DNAH5: variants seen among roughly 807,000 people sequenced by gnomAD.
DNAH5 encodes the protein axonemal beta dynein heavy chain 5.
In DNAH5, 372 loss-of-function variants were observed where a neutral mutation model predicts 518.2. The ratio of observed to expected loss-of-function variants is 0.72; its 90% CI spans 0.66 to 0.78. The LOEUF (loss-of-function observed/expected upper bound fraction) is 0.78. DNAH5 is among the 30% of genes least tolerant of loss of function. The pLI is 0.00. For synonymous variants in DNAH5, 2,039 were observed against 2,025.9 expected, an observed-to-expected ratio of 1.01 and a Z score of -0.17; for missense variants, 5,523 against 5,687.0, an observed-to-expected ratio of 0.97 and a Z score of 0.93.
At position 14,009,751 on chromosome 5, in the gene DNAH5, T is replaced by C. The variant is rs535554222; in HGVS notation, c.12+1897A>G. Reference sequence around the variant, plus strand: ...CACCATACTTCCAGCTTAAGTAAAATGGGGATTGCTTACTCAGCTGGGGAG... The same window carrying C: ...CACCATACTTCCAGCTTAAGTAAAACGGGGATTGCTTACTCAGCTGGGGAG... On this transcript the variant is annotated intron_variant, in intron 1 of 78. Transcript: ENST00000681290. 3.9e-5 allele frequency among the ~76,000 whole-genome samples: 6 copies of C among 152,250 alleles called. No individual in the cohort carries two copies. In the South Asian group the frequency reaches 1.0e-3, roughly 26 times the overall value.
At chr5:13,959,138 G>A (rs1007115084) in intron 1 of DNAH5, among the ~76,000 whole-genome samples, 1 of 152,142 alleles carries the variant, frequency 6.6e-6, no homozygotes, top group Non-Finnish European at 1.5e-5. Flanking sequence ...TTAGAGACGG[G>A]GTTTCACCAT....
chr5:13,722,444 G>A (rs1745180225), intron 70 of DNAH5, among the ~76,000 whole-genome samples: 1 of 152,318 alleles, frequency 6.6e-6, no homozygotes, highest in South Asian at 2.1e-4. Flanking sequence ...GTTACAATGA[G>A]AGAGAAGTGG....
intron 42 of DNAH5, among the ~76,000 whole-genome samples, chr5:13,817,104 T>G (rs1025704086): frequency 2.6e-5 from 4 of 152,238 alleles, no homozygotes; most frequent in African/African-American, 9.6e-5. Flanking sequence ...CAATGTAGAC[T>G]TCATTTTTGC....
chr5:13,859,446 C>G lies in DNAH5; in HGVS notation c.4950+6G>C. The G allele has an allele frequency of 6.2e-7, 1 of 1,613,978 alleles. No homozygotes were observed. Among genetic ancestry groups the G allele is most frequent in the Non-Finnish European group, 8.5e-7 (1 of 1,179,910 alleles). ...TCTGATGAAATCATAAAGAAGATTA[C>G]AAAACCTTGGGCAGCTGCTTGGCAA... is the stretch of plus-strand genomic sequence containing the variant. On this transcript the variant is annotated splice_donor_region_variant and intron_variant, in intron 30 of 78. Transcript: ENST00000265104.
intron 2 of DNAH5, among the ~76,000 whole-genome samples, chr5:13,928,841 C>T (rs1445820): frequency 0.49 from 74,694 of 152,064 alleles, 19,455 homozygotes; most frequent in East Asian, 0.87. Flanking sequence ...AAACAGAAAA[C>T]AGCAAGTGCT....
rs77992711 is a variant in DNAH5 at position 13,900,697 on chromosome 5, T to G, written c.2053-285A>C. ...AACAGTGGTGGCGTCTCAAAAGCCA[T>G]TTAGCTACCTGATACCTTCATGCCT... is the stretch of plus-strand genomic sequence containing the variant. On this transcript the variant is annotated intron_variant, in intron 14 of 78. Transcript: ENST00000265104. 2,140 of 456,508 alleles carry G rather than the reference T, an allele frequency of 4.7e-3. 33 individuals are homozygous for G. The highest frequency in any genetic ancestry group is 0.038 in the African/African-American group (1,955 of 50,862). The allele number at this position is 456,508 out of a possible 1,614,324, so 28.3% of individuals were successfully genotyped here.
chr5:13,981,674 A>T (rs2152067119), intron 1 of DNAH5, among the ~76,000 whole-genome samples: 1 of 152,300 alleles, frequency 6.6e-6, no homozygotes, highest in Non-Finnish European at 1.5e-5. Context: ...GATGGTGGGG[A>T]TGTCTGAATG....
chr5:13,722,765 TCTC>T (rs1182326975), intron 70 of DNAH5, among the ~76,000 whole-genome samples: 1 of 152,212 alleles, frequency 6.6e-6, no homozygotes, highest in East Asian at 1.9e-4. Context: ...GTGGATCTCT[TCTC>T]CTTCTTCTAA....
At chr5:13,720,501 G>A (rs565486598) in intron 71 of DNAH5, among the ~76,000 whole-genome samples, 2 of 152,278 alleles carry the variant, frequency 1.3e-5, no homozygotes, top group East Asian at 3.9e-4. Flanking sequence ...TCCCACCTCA[G>A]ACTCCAAAGT....
chr5:13,713,466 T>TAC lies in DNAH5; in HGVS notation c.13125+937_13125+938dup, dbSNP rs796551501. ...ATATATATATATATATATATATATATACACACACCGATATATATATATATA... is the reference window on the plus strand; with the variant it reads ...ATATATATATATATATATATATATATACACACACACCGATATATATATATATA... On this transcript the variant is annotated intron_variant, in intron 75 of 78. Coordinates refer to ENST00000265104, the MANE Select transcript of DNAH5 (RefSeq NM_001369.3). Among the ~76,000 whole-genome samples, 123 of 98,274 alleles carry TAC rather than the reference T, an allele frequency of 1.3e-3. 3 individuals are homozygous for TAC. Among genetic ancestry groups the TAC allele is most frequent in the African/African-American group, 3.8e-3 (80 of 20,928 alleles). The allele number at this position is 98,274 out of a possible 152,430, so 64.5% of individuals were successfully genotyped here.
chr5:13,735,830 A>C lies in DNAH5; in HGVS notation c.11558T>G (p.Leu3853Arg), dbSNP rs1323550672. 1 of 1,614,058 alleles carries C rather than the reference A, an allele frequency of 6.2e-7. No homozygotes were observed. Among genetic ancestry groups the C allele is most frequent in the Admixed American group, 1.7e-5 (1 of 60,028 alleles). ...SLRQFLGLFD[L>R]SLARSVKSPI... Reference sequence around the variant, plus strand: ...CGTACAGACGTACCTGGCTAAGGAAAGGTCAAATAAGCCCAGAAACTGGCG... The same window carrying C: ...CGTACAGACGTACCTGGCTAAGGAACGGTCAAATAAGCCCAGAAACTGGCG... Residue 3853 changes from leucine (L) to arginine (R), a missense_variant, in exon 67 of 79, where the codon CTT (leucine) becomes CGT (arginine). Leu to Arg is a moderately radical substitution (Grantham distance 102). Transcript: ENST00000265104.
At chr5:13,902,266 T>G (rs1561538271) in intron 12 of DNAH5, 128 bp from the exon 13 acceptor site, 7 of 702,242 alleles carry the variant, frequency 1.0e-5, no homozygotes, top group Non-Finnish European at 1.7e-5. Flanking sequence ...GAAAATTGAA[T>G]GAGCTTAAAA....
At chr5:13,954,614 C>T (rs1347224236) in intron 1 of DNAH5, among the ~76,000 whole-genome samples, 1 of 152,192 alleles carries the variant, frequency 6.6e-6, no homozygotes, top group African/African-American at 2.4e-5. Flanking sequence ...CGAAAGTGAG[C>T]GAGAGCAGGC....
chr5:13,725,940 C>T (rs1685087748), intron 70 of DNAH5, among the ~76,000 whole-genome samples: 1 of 152,220 alleles, frequency 6.6e-6, no homozygotes, highest in South Asian at 2.1e-4. Flanking sequence ...GTGTGAGCCA[C>T]CGCGCCTGAC....
In DNAH5 at chr5:13,735,322, C is replaced by T. The variant is rs1481337703; in HGVS notation, c.11571-1G>A. 6.2e-7 allele frequency: 1 copy of T among 1,613,728 alleles called. No homozygotes were observed. The highest frequency in any genetic ancestry group is 8.5e-7 in the Non-Finnish European group (1 of 1,179,826). On this transcript the variant is annotated splice_acceptor_variant, in intron 67 of 78. Transcript: ENST00000265104. LOFTEE classifies it high-confidence loss of function. ...GCTTGTAATCGGGCTCTTGACAGAC[C>T]TGGTGAATAGAATATTTAAATCAGG...
At chr5:13,758,701 T>C in intron 61 of DNAH5, 145 bp downstream of exon 61, 2 of 1,176,630 alleles carry the variant, frequency 1.7e-6, no homozygotes, top group Non-Finnish European at 2.5e-6. Flanking sequence ...GACCATCCTG[T>C]TGTCTCATCA....
At chr5:14,003,355 T>G (rs1784492577) in intron 1 of DNAH5, among the ~76,000 whole-genome samples, 1 of 152,238 alleles carries the variant, frequency 6.6e-6, no homozygotes, top group Non-Finnish European at 1.5e-5. Context: ...TGTGCATTTT[T>G]CATCCTATAT....
chr5:13,769,097 T>C lies in DNAH5; in HGVS notation c.9760A>G (p.Lys3254Glu). Residue 3254 changes from lysine to glutamate, a missense_variant, in exon 58 of 79, where the codon AAG becomes GAG. This residue lies in a region of DNAH5 where 5,121 missense variants were observed against 5,223.3 expected (regional missense o/e 0.98). Coordinates refer to ENST00000265104, the MANE Select transcript of DNAH5 (RefSeq NM_001369.3). ...ACCTTCTGTACCTCAGCCTTGACCT[T>C]TTCAGCAGCCTGTGCTTTCATTGTC... ...EVTMKAQAAE[K>E]VKAEVQKVKD... 6.2e-7 allele frequency: 1 copy of C among 1,614,206 alleles called. No individual in the cohort carries two copies. Among genetic ancestry groups the C allele is most frequent in the Non-Finnish European group, 8.5e-7 (1 of 1,180,034 alleles).
intron 50 of DNAH5, among the ~76,000 whole-genome samples, chr5:13,789,615 T>C (rs1011029968): frequency 5.3e-5 from 8 of 152,240 alleles, no homozygotes; most frequent in African/African-American, 1.2e-4. Flanking sequence ...GATAGAATGC[T>C]ATCTGGTTGC....
Sources: allele counts gnomAD v4.1 joint callset (sites outside exome capture counted in the v4.1 genomes callset), GRCh38; gene constraint gnomAD v4.1.1; regional missense constraint gnomAD v4.1.1; transcripts MANE v1.5; gene names NCBI Gene and HGNC (gene_info 2026-07-23, HGNC 2026-07-21).